Variants in EYS observed in about 807,000 individuals in gnomAD.
EYS encodes protein eyes shut homolog.
A neutral mutation model predicts 282.1 loss-of-function variants in EYS; 250 were observed. That is an observed-to-expected ratio of 0.89 (90% CI 0.80 to 0.98). The LOEUF is 0.98. Among genes scored for constraint, EYS ranks in the 50% least tolerant of loss-of-function variants. EYS has a pLI of 0.00. For missense variants in EYS, 4,016 were observed against 3,709.0 expected (o/e 1.08, Z -2.15); for synonymous variants, 1,355 against 1,282.9 (o/e 1.06, Z -1.20).
At chr6:64,943,309 A>G (rs781612679) in intron 15 of EYS, among the ~76,000 whole-genome samples, 3 of 152,032 alleles carry the variant, frequency 2.0e-5, no homozygotes, top group African/African-American at 4.8e-5. Context: ...CCAGCCTCAC[A>G]ACTTCTATTC....
intron 14 of EYS, among the ~76,000 whole-genome samples, chr6:64,957,679 G>A (rs533161933): frequency 6.6e-6 from 1 of 152,006 alleles, no homozygotes; most frequent in Non-Finnish European, 1.5e-5. Context: ...ATTTCACATT[G>A]CATGCCTGTA....
Position 65,578,911 on chromosome 6 carries a change from C to T in EYS, c.-333+60867G>A, listed in dbSNP as rs114298448. 6.5e-3 allele frequency among the ~76,000 whole-genome samples: 995 copies of T among 151,996 alleles called. 5 individuals carry two copies. Among genetic ancestry groups the T allele is most frequent in the Non-Finnish European group, 0.011 (735 of 67,938 alleles). ...AAGAAGCACAAAGATTACAACGTAC[C>T]CCATTCTCTTATGGTCACACAGTAT... On this transcript the variant is annotated intron_variant, in intron 2 of 42. Transcript: ENST00000503581.
intron 31 of EYS, among the ~76,000 whole-genome samples, chr6:64,149,041 T>A (rs570310649): frequency 1.3e-5 from 2 of 152,264 alleles, no homozygotes; most frequent in South Asian, 4.1e-4. Context: ...ACACTATCAA[T>A]ATGGTACAGC....
chr6:63,962,196 T>A (rs539070394), intron 35 of EYS, among the ~76,000 whole-genome samples: 20 of 152,272 alleles, frequency 1.3e-4, no homozygotes, highest in African/African-American at 4.8e-4. Flanking sequence ...GACATAGGCA[T>A]GGGCAAGGAC....
At chr6:63,867,860 A>T (rs1181857338) in intron 35 of EYS, among the ~76,000 whole-genome samples, 2 of 152,130 alleles carry the variant, frequency 1.3e-5, no homozygotes, top group Admixed American at 6.6e-5. Flanking sequence ...GTCTGCCTTT[A>T]AAAAATGTCA....
chr6:64,432,395 T>G (rs1582745430), intron 28 of EYS, among the ~76,000 whole-genome samples: 1 of 151,918 alleles, frequency 6.6e-6, no homozygotes, highest in African/African-American at 2.4e-5. Flanking sequence ...CTAACTTAAC[T>G]CTCTTTTAAT....
chr6:64,649,344 C>CTTTTTTTTT (rs11388058), intron 22 of EYS, among the ~76,000 whole-genome samples: 1 of 149,144 alleles, frequency 6.7e-6, no homozygotes. Flanking sequence ...CTATAACTGC[C>CTTTTTTTTT]TTTTTTTTTT....
chr6:63,947,826 G>A (rs1436534136), intron 35 of EYS, among the ~76,000 whole-genome samples: 2 of 152,212 alleles, frequency 1.3e-5, no homozygotes, highest in African/African-American at 4.8e-5. Flanking sequence ...TTGATTAAAT[G>A]GTTCTTTTCT....
intron 1 of EYS, among the ~76,000 whole-genome samples, chr6:65,698,086 C>T (rs771905981): frequency 2.0e-4 from 30 of 152,012 alleles, no homozygotes; most frequent in Non-Finnish European, 3.7e-4. Flanking sequence ...TTAGGTCAGA[C>T]GCTGGGGGAA....
chr6:65,575,899 AG>A (rs1343232399), intron 2 of EYS, among the ~76,000 whole-genome samples: 1 of 152,100 alleles, frequency 6.6e-6, no homozygotes, highest in Non-Finnish European at 1.5e-5. Context: ...GTGAGGAAAA[AG>A]AAAGTTTGAT....
At chr6:65,542,259 G>T (rs1023719640) in intron 2 of EYS, among the ~76,000 whole-genome samples, 1 of 151,942 alleles carries the variant, frequency 6.6e-6, no homozygotes, top group African/African-American at 2.4e-5. Flanking sequence ...AAATCAACTA[G>T]ATATAGTAGG....
At chr6:65,604,842 CTTTTT>C (rs10583844) in intron 2 of EYS, among the ~76,000 whole-genome samples, 30 of 130,398 alleles carry the variant, frequency 2.3e-4, no homozygotes, top group African/African-American at 6.9e-4. Context: ...TCACTGCCCC[CTTTTT>C]TTTTTTTTTT....
chr6:64,833,631 C>T (rs1765290300), intron 19 of EYS, among the ~76,000 whole-genome samples: 1 of 151,810 alleles, frequency 6.6e-6, no homozygotes, highest in Non-Finnish European at 1.5e-5. Flanking sequence ...TCAGTGAGCT[C>T]ATGTGTAAAT....
chr6:63,945,601 G>A (rs1213004233), intron 35 of EYS, among the ~76,000 whole-genome samples: 1 of 152,044 alleles, frequency 6.6e-6, no homozygotes, highest in Non-Finnish European at 1.5e-5. Context: ...CTTAATTATT[G>A]CACATTACAA....
At position 64,218,067 on chromosome 6, in the gene EYS, A is replaced by G. The variant is rs1765988035; in HGVS notation, c.6424+12525T>C. ...ATGAGAACTGCAGAAATCTCAGCAC[A>G]TAATGACTCTATCTAAGCCTCTGCA... On this transcript the variant is annotated intron_variant, in intron 31 of 42. Coordinates refer to ENST00000503581, the MANE Select transcript of EYS (RefSeq NM_001142800.2). Among the ~76,000 whole-genome samples the G allele has an allele frequency of 2.0e-5, 3 of 152,180 alleles. No homozygotes were observed. In the South Asian group the frequency reaches 6.2e-4, roughly 31 times the overall value.
At position 63,918,764 on chromosome 6, in the gene EYS, A is replaced by G. The variant is rs544861899; in HGVS notation, c.7056-54406T>C. Reference sequence around the variant, plus strand: ...ACATTTCCATTTAAAAGGTAATTATAACTAACTAAAGAGGTAGAGAAATGC... The same window carrying G: ...ACATTTCCATTTAAAAGGTAATTATGACTAACTAAAGAGGTAGAGAAATGC... On this transcript the variant is annotated intron_variant, in intron 35 of 42. Transcript: ENST00000503581. 2.6e-5 allele frequency among the ~76,000 whole-genome samples: 4 copies of G among 152,366 alleles called. No homozygotes were observed. In the South Asian group the frequency reaches 8.3e-4, roughly 32 times the overall value.
intron 14 of EYS, among the ~76,000 whole-genome samples, chr6:64,971,545 G>T (rs1293665197): frequency 6.6e-6 from 1 of 152,108 alleles, no homozygotes; most frequent in Non-Finnish European, 1.5e-5. Context: ...TTCTGACTTG[G>T]TTCCATTGAT....
chr6:65,654,810 C>T (rs1415894367), intron 1 of EYS, among the ~76,000 whole-genome samples: 4 of 151,354 alleles, frequency 2.6e-5, no homozygotes, highest in African/African-American at 4.9e-5. Context: ...GACCATACCA[C>T]GGAGAGACAC....
At chr6:65,173,960 C>T (rs779082959) in intron 12 of EYS, among the ~76,000 whole-genome samples, 8 of 151,116 alleles carry the variant, frequency 5.3e-5, no homozygotes, top group African/African-American at 9.7e-5. Flanking sequence ...GTAATCACAA[C>T]GTATATATAG....
Sources: allele counts gnomAD v4.1 joint callset (sites outside exome capture counted in the v4.1 genomes callset), GRCh38; gene constraint gnomAD v4.1.1; transcripts MANE v1.5; gene names NCBI Gene and HGNC (gene_info 2026-07-23, HGNC 2026-07-21).